Variants in MTHFD1L observed in about 807,000 individuals in gnomAD.
The protein encoded by MTHFD1L is monofunctional C1-tetrahydrofolate synthase, mitochondrial.
MTHFD1L carries 81 observed loss-of-function variants against 119.5 expected under a neutral mutation model. That is an observed-to-expected ratio of 0.68 (90% confidence interval 0.57 to 0.82). MTHFD1L has a LOEUF of 0.82. MTHFD1L is among the 40% of genes least tolerant of loss of function. The pLI, the probability that MTHFD1L is intolerant of heterozygous loss-of-function variation, is 0.00. For synonymous variants in MTHFD1L, 430 were observed against 475.2 expected (o/e 0.90, Z 1.24); for missense variants, 1,125 against 1,253.4 (o/e 0.90, Z 1.55).
At chr6:150,972,104 A>G (rs763701924) in intron 20 of MTHFD1L, 46 bp downstream of exon 20, 2 of 1,521,708 alleles carry the variant, frequency 1.3e-6, no homozygotes, top group Non-Finnish European at 1.8e-6. Context: ...TATTGAAGAA[A>G]TCTAAAAGCT....
At chr6:150,972,504 G>T (rs144824366) in intron 20 of MTHFD1L, among the ~76,000 whole-genome samples, 1 of 152,350 alleles carries the variant, frequency 6.6e-6, no homozygotes, top group East Asian at 1.9e-4. Context: ...AAGCAAAACA[G>T]ATAGGCGCAG....
intron 26 of MTHFD1L, among the ~76,000 whole-genome samples, chr6:151,073,111 CT>C (rs1562629683): frequency 1.3e-5 from 2 of 152,182 alleles, no homozygotes; most frequent in Non-Finnish European, 2.9e-5. Context: ...GCTCAACTGT[CT>C]CCCTGAGTTG....
At chr6:151,083,256 G>A (rs1793388184) in intron 26 of MTHFD1L, among the ~76,000 whole-genome samples, 2 of 152,010 alleles carry the variant, frequency 1.3e-5, no homozygotes, top group South Asian at 4.1e-4. Context: ...GGAGTGCAGT[G>A]GTGCCATCTC....
intron 20 of MTHFD1L, among the ~76,000 whole-genome samples, chr6:150,975,862 C>T (rs1776481171): frequency 6.6e-6 from 1 of 152,220 alleles, no homozygotes; most frequent in Non-Finnish European, 1.5e-5. Context: ...CACCTGGTCT[C>T]GGGTACCACA....
intron 20 of MTHFD1L, among the ~76,000 whole-genome samples, chr6:150,994,094 A>AAAGAAGAAAGAAAG (rs1482239065): frequency 3.3e-5 from 4 of 119,610 alleles, no homozygotes; most frequent in Admixed American, 8.3e-5. Context: ...AGAAAGAAAG[A>AAAGAAGAAAGAAAG]AAGTGACCCA....
intron 10 of MTHFD1L, among the ~76,000 whole-genome samples, chr6:150,922,878 A>T (rs803458): frequency 0.3 from 45,270 of 152,026 alleles, 7,538 homozygotes; most frequent in East Asian, 0.58. Flanking sequence ...TCCTGACCTC[A>T]GGTGATCTGC....
intron 26 of MTHFD1L, among the ~76,000 whole-genome samples, chr6:151,044,363 G>A (rs1468858437): frequency 1.0e-4 from 15 of 150,402 alleles, no homozygotes; most frequent in African/African-American, 1.2e-4. Flanking sequence ...GTGCAGTGGC[G>A]CAATCTCGAC....
At chr6:150,961,045 T>TTTC (rs1210529707) in intron 18 of MTHFD1L, among the ~76,000 whole-genome samples, 1 of 152,074 alleles carries the variant, frequency 6.6e-6, no homozygotes, top group East Asian at 1.9e-4. Flanking sequence ...CTAGTCTTCT[T>TTTC]TTCTTCTTCG....
chr6:150,994,283 A>G (rs755447781), intron 20 of MTHFD1L, among the ~76,000 whole-genome samples: 2 of 152,070 alleles, frequency 1.3e-5, no homozygotes, highest in Non-Finnish European at 2.9e-5. Flanking sequence ...GAAGAAAGGC[A>G]TACCCCCTTT....
chr6:151,039,686 G>A lies in MTHFD1L; in HGVS notation c.2847+2569G>A, dbSNP rs1253314399. Among the ~76,000 whole-genome samples the A allele has an allele frequency of 6.6e-6, 1 of 152,142 alleles. No homozygotes were observed. Among genetic ancestry groups the A allele is most frequent in the Non-Finnish European group, 1.5e-5 (1 of 68,028 alleles). On this transcript the variant is annotated intron_variant, in intron 26 of 27. Coordinates refer to ENST00000367321, the MANE Select transcript of MTHFD1L (RefSeq NM_015440.5). The surrounding 1 kb of genome is among the most constrained non-coding windows in gnomAD (Gnocchi z 4.4). ...AATCCCAGCACTTTGGGAGGCCGAGGCGGGCGGATCACAAGGTCAGGAGTT... is the reference window on the plus strand; with the variant it reads ...AATCCCAGCACTTTGGGAGGCCGAGACGGGCGGATCACAAGGTCAGGAGTT...
At chr6:151,033,524 A>G (rs1204198015) in intron 24 of MTHFD1L, among the ~76,000 whole-genome samples, 1 of 152,144 alleles carries the variant, frequency 6.6e-6, no homozygotes, top group African/African-American at 2.4e-5. Context: ...CTAATGAATC[A>G]TTCTTGTTTC....
chr6:150,972,114 T>A, intron 20 of MTHFD1L, 56 bp downstream of exon 20: 1 of 1,457,132 alleles, frequency 6.9e-7, no homozygotes, highest in South Asian at 1.2e-5. Flanking sequence ...ATCTAAAAGC[T>A]GATGACTGGA....
chr6:150,942,972 C>A (rs1793373871), intron 13 of MTHFD1L, among the ~76,000 whole-genome samples: 1 of 152,112 alleles, frequency 6.6e-6, no homozygotes, highest in Non-Finnish European at 1.5e-5. Context: ...TTTCAAAAAG[C>A]AATTTGGTGA....
intron 16 of MTHFD1L, among the ~76,000 whole-genome samples, chr6:150,951,210 T>G (rs2128976116): frequency 6.6e-6 from 1 of 151,782 alleles, no homozygotes; most frequent in East Asian, 2.0e-4. Context: ...TTTCGTATTT[T>G]TAGTAGAGAT....
intron 26 of MTHFD1L, among the ~76,000 whole-genome samples, chr6:151,061,957 T>G (rs1790697173): frequency 6.6e-6 from 1 of 152,208 alleles, no homozygotes; most frequent in Non-Finnish European, 1.5e-5. Context: ...GCATTTAGGT[T>G]ATAAATCAGG....
At chr6:151,061,728 A>T (rs566171276) in intron 26 of MTHFD1L, among the ~76,000 whole-genome samples, 14 of 152,238 alleles carry the variant, frequency 9.2e-5, no homozygotes, top group Non-Finnish European at 2.1e-4. Context: ...TCAAAGGGTC[A>T]TTAAAACCAG....
intron 21 of MTHFD1L, among the ~76,000 whole-genome samples, chr6:151,010,616 A>G (rs1330468437): frequency 6.6e-6 from 1 of 152,242 alleles, no homozygotes; most frequent in Admixed American, 6.5e-5. Context: ...TACAGACATT[A>G]TAAAGGAAAT....
intron 11 of MTHFD1L, among the ~76,000 whole-genome samples, chr6:150,929,518 T>C (rs1036252409): frequency 6.6e-6 from 1 of 152,204 alleles, no homozygotes; most frequent in Non-Finnish European, 1.5e-5. Context: ...ACAAAACTGA[T>C]ACTTCTAAAA....
At chr6:151,019,631 G>A (rs562331626) in intron 24 of MTHFD1L, among the ~76,000 whole-genome samples, 1 of 152,132 alleles carries the variant, frequency 6.6e-6, no homozygotes, top group Non-Finnish European at 1.5e-5. Context: ...ACAGAAATTC[G>A]ATTTGAGCTG....
Sources: gnomAD v4.1 joint callset for allele counts (sites outside exome capture counted in the v4.1 genomes callset) on GRCh38, gnomAD v4.1.1 for gene constraint, Gnocchi (gnomAD v3.1) non-coding constraint, MANE v1.5 for transcripts, NCBI Gene and HGNC (gene_info 2026-07-23, HGNC 2026-07-21) for gene names.